The following INTS15 variants were observed in gnomAD, a reference collection of about 807,000 sequenced individuals.
The protein encoded by INTS15 is uncharacterized protein C7orf26.
the INTS15 span, chr7:6,608,102 A>T: frequency 1.0e-6 from 1 of 981,326 alleles, no homozygotes; most frequent in Non-Finnish European, 1.4e-6. Flanking sequence ...CGCCCTGCCC[A>T]CGCATCCCGG....
chr7:6,596,784 CTTG>C, the INTS15 span, among the ~76,000 whole-genome samples: 1,108 of 151,658 alleles, frequency 7.3e-3, 8 homozygotes, highest in Non-Finnish European at 8.8e-3. Flanking sequence ...TTCTTTCTTT[CTTG>C]TTGTTTGTTT....
the INTS15 span, among the ~76,000 whole-genome samples, chr7:6,599,168 G>A: frequency 1.9e-4 from 29 of 152,312 alleles, no homozygotes; most frequent in African/African-American, 6.3e-4. Flanking sequence ...TTGCTGGGGT[G>A]GAGGGAGGAT....
the INTS15 span, among the ~76,000 whole-genome samples, chr7:6,593,867 T>G: frequency 6.6e-6 from 1 of 151,204 alleles, no homozygotes; most frequent in Admixed American, 6.6e-5. Context: ...CCCAGGCTCA[T>G]CTGGAACTGC....
the INTS15 span, among the ~76,000 whole-genome samples, chr7:6,590,730 C>T: frequency 1.3e-5 from 2 of 152,286 alleles, no homozygotes; most frequent in African/African-American, 2.4e-5. Flanking sequence ...TGCCCGCTCC[C>T]TAGAGGTCTG....
At chr7:6,599,404 C>A in the INTS15 span, among the ~76,000 whole-genome samples, 63 of 152,032 alleles carry the variant, frequency 4.1e-4, 1 homozygote, top group East Asian at 8.6e-3. Flanking sequence ...CTGAAGGCCA[C>A]CATTGCTGTC....
At chr7:6,598,086 G>A in the INTS15 span, among the ~76,000 whole-genome samples, 1 of 152,260 alleles carries the variant, frequency 6.6e-6, no homozygotes, top group East Asian at 1.9e-4. Flanking sequence ...GTAGAGATGC[G>A]TCAGCTCAGA....
chr7:6,602,018 A>T, the INTS15 span: 1 of 1,256,094 alleles, frequency 8.0e-7, no homozygotes, highest in Non-Finnish European at 1.2e-6. Flanking sequence ...CTGTCTTGCT[A>T]GCATCCTTGC....
chr7:6,607,812 C>G, the INTS15 span: 1 of 1,492,736 alleles, frequency 6.7e-7, no homozygotes, highest in Non-Finnish European at 8.9e-7. The surrounding 1 kb of genome is among the most constrained non-coding windows in gnomAD (Gnocchi z 6.0). Flanking sequence ...CACTGCTTCT[C>G]CGTGTCCACC....
chr7:6,590,234 C>T, the INTS15 span: 1 of 1,419,552 alleles, frequency 7.0e-7, no homozygotes, highest in Non-Finnish European at 9.2e-7. Context: ...AGTCCCGGGC[C>T]CCGGGCGGAA....
At chr7:6,603,855 C>G in the INTS15 span, among the ~76,000 whole-genome samples, 1 of 151,828 alleles carries the variant, frequency 6.6e-6, no homozygotes, top group South Asian at 2.1e-4. Context: ...AAAAAATTGG[C>G]CAAATATGGT....
the INTS15 span, chr7:6,590,569 C>G: frequency 1.1e-5 from 16 of 1,399,742 alleles, no homozygotes; most frequent in Non-Finnish European, 1.5e-5. Flanking sequence ...CGCGGGCGCC[C>G]CATGTCCAGG....
the INTS15 span, chr7:6,594,696 T>C: frequency 8.8e-7 from 1 of 1,133,248 alleles, no homozygotes. Context: ...CAGTGAATGC[T>C]TTGGCTGTTT....
At chr7:6,591,744 C>A in the INTS15 span, 2 of 1,614,084 alleles carry the variant, frequency 1.2e-6, no homozygotes, top group Non-Finnish European at 1.7e-6. Flanking sequence ...TTTTTTCATC[C>A]CTTTTCAGCC....
the INTS15 span, among the ~76,000 whole-genome samples, chr7:6,605,791 C>T: frequency 7.9e-5 from 12 of 151,266 alleles, no homozygotes; most frequent in East Asian, 3.9e-4. Context: ...CTCTGCCTCC[C>T]GGGTTCAAGC....
At chr7:6,596,921 G>A in the INTS15 span, among the ~76,000 whole-genome samples, 1 of 151,840 alleles carries the variant, frequency 6.6e-6, no homozygotes, top group Admixed American at 6.6e-5. Flanking sequence ...TGGGACTACA[G>A]GCGCCCGCTA....
At chr7:6,607,567 C>T in the INTS15 span, 1 of 1,341,124 alleles carries the variant, frequency 7.5e-7, no homozygotes, top group East Asian at 4.9e-5. This position sits in a 1 kb window ranked among gnomAD's most constrained non-coding sequence, Gnocchi z 6.0. Context: ...TTTGCAAGGC[C>T]AGCTTCCTGG....
chr7:6,600,020 A>G, the INTS15 span: 1 of 1,614,164 alleles, frequency 6.2e-7, no homozygotes, highest in South Asian at 1.1e-5. Flanking sequence ...TAAAAGGAAA[A>G]AGAAGCCCCC....
At chr7:6,608,423 T>C in the INTS15 span, 1 of 1,358,940 alleles carries the variant, frequency 7.4e-7, no homozygotes, top group Non-Finnish European at 9.5e-7. Flanking sequence ...CCTGGGAGCC[T>C]CTGTTCTCTG....
At chr7:6,594,980 G>A in the INTS15 span, among the ~76,000 whole-genome samples, 1 of 151,986 alleles carries the variant, frequency 6.6e-6, no homozygotes, top group Non-Finnish European at 1.5e-5. Context: ...CACCCGCCTC[G>A]GCCTCCCAAA....
Sources: gnomAD v4.1 joint callset for allele counts (sites outside exome capture counted in the v4.1 genomes callset) on GRCh38, gnomAD v4.1.1 for gene constraint, Gnocchi (gnomAD v3.1) non-coding constraint, MANE v1.5 for transcripts, NCBI Gene and HGNC (gene_info 2026-07-23, HGNC 2026-07-21) for gene names.